Variants in CFAP69 observed in about 807,000 individuals in gnomAD.
The protein encoded by CFAP69 is cilia and flagella associated protein 69.
Under a neutral mutation model 123.0 loss-of-function variants are expected in CFAP69, and 92 were observed. The observed-to-expected ratio is 0.75, with a 90% CI of 0.63 to 0.89. The LOEUF is 0.89. Ranked by LOEUF, CFAP69 falls within the 40% of genes least tolerant of loss-of-function variation. The pLI is 0.00. For synonymous variants in CFAP69, 380 were observed against 364.3 expected, an observed-to-expected ratio of 1.04 and a Z score of -0.49; for missense variants, 1,067 against 1,096.9, an observed-to-expected ratio of 0.97 and a Z score of 0.39.
At chr7:90,314,071 G>A (rs1794557270), downstream of CFAP69, among the ~76,000 whole-genome samples, 1 of 152,034 alleles carries the variant, frequency 6.6e-6, no homozygotes, top group African/African-American at 2.4e-5. Context: ...CCCAAATTGA[G>A]GGGCATTTTG....
At chr7:90,313,830 G>C (rs1190888413), downstream of CFAP69, among the ~76,000 whole-genome samples, 1 of 152,094 alleles carries the variant, frequency 6.6e-6, no homozygotes, top group Non-Finnish European at 1.5e-5. Context: ...CTCAAGTATG[G>C]GTTATGCTTA....
At chr7:90,280,170 A>G (rs1789258279) in intron 12 of CFAP69, among the ~76,000 whole-genome samples, 1 of 151,904 alleles carries the variant, frequency 6.6e-6, no homozygotes, top group African/African-American at 2.4e-5. Context: ...TATATTTGGG[A>G]AGAAAATAAA....
chr7:90,277,009 C>T lies in CFAP69; in HGVS notation c.985-64C>T, dbSNP rs185943921. ...AATGTACTTAAGTAGTAAATATGAG[C>T]ATCTGCATCATAACTTTCATCTTAT... is the stretch of plus-strand genomic sequence containing the variant. On this transcript the variant is annotated intron_variant, in intron 9 of 22. Transcript: ENST00000389297. The T allele has an allele frequency of 3.3e-4, 372 of 1,116,802 alleles. 1 individual carries two copies. In the African/African-American group the frequency reaches 4.5e-3, roughly 14 times the overall value. The allele number at this position is 1,116,802 out of a possible 1,614,324, so 69.2% of individuals were successfully genotyped here.
intron 17 of CFAP69, chr7:90,303,586 A>G: frequency 1.0e-6 from 1 of 954,854 alleles, no homozygotes; most frequent in Non-Finnish European, 1.2e-6. Context: ...GCATCATAAA[A>G]TAGTTTTTAT....
At chr7:90,318,240 T>G in the CFAP69 span, 1 of 152,194 alleles carries the variant, frequency 6.6e-6, no homozygotes, top group Non-Finnish European at 1.5e-5. Context: ...CTTTAAAGCT[T>G]CACATCCTTT....
chr7:90,308,890 T>G (rs551564332), intron 21 of CFAP69, among the ~76,000 whole-genome samples: 1 of 152,310 alleles, frequency 6.6e-6, no homozygotes, highest in East Asian at 1.9e-4. Context: ...CTTAATCAGT[T>G]GGTAATTTAT....
chr7:90,292,442 CA>C lies in CFAP69; in HGVS notation c.1775+4093del, dbSNP rs769527014. Among the ~76,000 whole-genome samples the C allele has an allele frequency of 3.0e-4, 46 of 152,166 alleles. 1 individual carries two copies. Among genetic ancestry groups the C allele is most frequent in the Non-Finnish European group, 5.9e-4 (40 of 68,016 alleles). On this transcript the variant is annotated intron_variant, in intron 15 of 22. Coordinates refer to ENST00000389297, the MANE Select transcript of CFAP69 (RefSeq NM_001039706.3). ...GCTTTACACATCAAGTCTGATTCCT[CA>C]AAGCACACCATTCCAGTCAAAGCCT...
chr7:90,264,321 T>G (rs1192530114), intron 4 of CFAP69, among the ~76,000 whole-genome samples: 2 of 151,814 alleles, frequency 1.3e-5, no homozygotes, highest in African/African-American at 4.8e-5. Context: ...TTATGATTTA[T>G]AAATAAGTTA....
intron 11 of CFAP69, among the ~76,000 whole-genome samples, chr7:90,278,387 G>A (rs1788915299): frequency 6.6e-6 from 1 of 151,892 alleles, no homozygotes; most frequent in Non-Finnish European, 1.5e-5. Flanking sequence ...CAAATGCTCA[G>A]GAAAAGAAAA....
In CFAP69 at chr7:90,288,277, T is replaced by C; in HGVS notation, c.1700T>C (p.Met567Thr). ...TEGVDIVLHV[M>T]KTDPRKLQSG... ...GGAGTAGATATCGTTCTTCATGTGA[T>C]GAAAACAGACCCCAGGAAGTTACAG... Residue 567 changes from methionine (M) to threonine (T), a missense_variant, in exon 15 of 23, where the codon ATG becomes ACG. Coordinates refer to ENST00000389297, the MANE Select transcript of CFAP69 (RefSeq NM_001039706.3). 6.2e-7 allele frequency: 1 copy of C among 1,612,460 alleles called. No individual in the cohort carries two copies. Among genetic ancestry groups the C allele is most frequent in the Non-Finnish European group, 8.5e-7 (1 of 1,178,842 alleles).
chr7:90,274,743 A>AT (rs1186807264), intron 9 of CFAP69, among the ~76,000 whole-genome samples: 1 of 152,124 alleles, frequency 6.6e-6, no homozygotes, highest in East Asian at 1.9e-4. Flanking sequence ...TGTTTTCAAG[A>AT]TTTTAACTCT....
rs1381512081 is a variant in CFAP69 at position 90,310,136 on chromosome 7, T to C, written c.2724T>C (p.Asp908=). The C allele has an allele frequency of 6.2e-7, 1 of 1,613,880 alleles. No individual in the cohort carries two copies. Among genetic ancestry groups the C allele is most frequent in the Non-Finnish European group, 8.5e-7 (1 of 1,179,924 alleles). ...GATTAGTAGGAGGACCTCTGGTTGA[T>C]ACGGATATTGCTCTTAAAAAACTGC... The part of the protein sequence containing the change: ...PARLVGGPLV[D]TDIALKKLPI... Residue 908 remains aspartate, a synonymous_variant, in exon 23 of 23, where the codon GAT becomes GAC. Coordinates refer to ENST00000389297, the MANE Select transcript of CFAP69 (RefSeq NM_001039706.3).
intron 13 of CFAP69, among the ~76,000 whole-genome samples, chr7:90,284,808 T>C (rs1790024707): frequency 6.6e-6 from 1 of 152,200 alleles, no homozygotes; most frequent in African/African-American, 2.4e-5. Context: ...TTTATGAAGA[T>C]AAATAACACA....
intron 1 of CFAP69, among the ~76,000 whole-genome samples, chr7:90,248,332 G>A (rs1796567075): frequency 6.6e-6 from 1 of 152,214 alleles, no homozygotes; most frequent in South Asian, 2.1e-4. Flanking sequence ...GCCTAAGGCA[G>A]CAGGTAAAAT....
In CFAP69 at chr7:90,307,790, G is replaced by C; in HGVS notation, c.2486G>C (p.Arg829Thr). ...CAGATACAGGCCACGCACAAGCAAA[G>C]AGAGCTGGCTAATAAATCATGGGAA... ...YAKIQATHKQRELANKSWEDF... is the reference protein window; with the variant it reads ...YAKIQATHKQTELANKSWEDF... Residue 829 changes from arginine (R) to threonine (T), a missense_variant, in exon 21 of 23, where the codon AGA becomes ACA. Transcript: ENST00000389297. The C allele has an allele frequency of 6.2e-7, 1 of 1,609,598 alleles. No individual in the cohort carries two copies. The highest frequency in any genetic ancestry group is 8.5e-7 in the Non-Finnish European group (1 of 1,177,942).
intron 14 of CFAP69, among the ~76,000 whole-genome samples, chr7:90,286,662 C>T (rs1014521589): frequency 2.0e-5 from 3 of 152,226 alleles, no homozygotes; most frequent in African/African-American, 7.2e-5. Context: ...TACTCACTTC[C>T]AGACAAACTA....
chr7:90,290,650 A>G (rs1261618842), intron 15 of CFAP69, among the ~76,000 whole-genome samples: 1 of 152,198 alleles, frequency 6.6e-6, no homozygotes. Flanking sequence ...ATGGCATTTC[A>G]TATACCAGCC....
At chr7:90,269,243 T>C (rs1253602627) in intron 6 of CFAP69, among the ~76,000 whole-genome samples, 4 of 152,024 alleles carry the variant, frequency 2.6e-5, no homozygotes, top group African/African-American at 4.8e-5. Flanking sequence ...TCTTGGTAGA[T>C]AAAAGATATT....
chr7:90,321,009 G>C, the CFAP69 span: 5 of 152,228 alleles, frequency 3.3e-5, no homozygotes, highest in African/African-American at 4.8e-5. Flanking sequence ...TCCTGGGTGC[G>C]CTACGCTCGT....
Sources: allele counts gnomAD v4.1 joint callset (sites outside exome capture counted in the v4.1 genomes callset), GRCh38; gene constraint gnomAD v4.1.1; transcripts MANE v1.5; gene names NCBI Gene and HGNC (gene_info 2026-07-23, HGNC 2026-07-21).